The following ATRNL1 variants were observed in gnomAD, a reference collection of about 807,000 sequenced individuals.
ATRNL1 encodes the protein attractin-like protein 1.
ATRNL1 carries 95 observed loss-of-function variants against 182.7 expected under a neutral mutation model. The observed-to-expected ratio is 0.52, with a 90% CI of 0.44 to 0.62. The LOEUF (loss-of-function observed/expected upper bound fraction) is 0.62. Among genes scored for constraint, ATRNL1 ranks in the 20% least tolerant of loss-of-function variants. The pLI is 0.00. For synonymous variants in ATRNL1, 576 were observed against 568.3 expected (o/e 1.01, Z -0.19); for missense variants, 1,471 against 1,679.5 (o/e 0.88, Z 2.17).
chr10:115,587,091 TGAG>T (rs1209040370), intron 26 of ATRNL1, among the ~76,000 whole-genome samples: 2 of 149,186 alleles, frequency 1.3e-5, no homozygotes, highest in Admixed American at 6.8e-5. Context: ...GGGATTCACT[TGAG>T]GAGGCAGTCT....
Position 115,944,988 on chromosome 10 carries a change from T to G in ATRNL1, c.*209T>G, listed in dbSNP as rs1953843515. ...GATGGTCACAGGTGATAAAGTCAGT[T>G]TTTACCACTATCTTAGGCTTATTAT... On this transcript the variant is annotated 3_prime_UTR_variant, in exon 29 of 29. Transcript: ENST00000355044. 4 of 414,286 alleles carry G rather than the reference T, an allele frequency of 9.7e-6. No homozygotes were observed. The Admixed American group carries it at 1.7e-4, about 18-fold the overall frequency. The allele number at this position is 414,286 out of a possible 1,614,324, so 25.7% of individuals were successfully genotyped here.
chr10:115,892,109 A>G (rs1555111407), intron 28 of ATRNL1, among the ~76,000 whole-genome samples: 1 of 152,152 alleles, frequency 6.6e-6, no homozygotes, highest in Admixed American at 6.5e-5. Flanking sequence ...TTGTTGTTAT[A>G]TTACTCTGTT....
intron 26 of ATRNL1, among the ~76,000 whole-genome samples, chr10:115,576,882 C>G (rs1304778760): frequency 2.0e-5 from 3 of 151,836 alleles, no homozygotes; most frequent in Non-Finnish European, 4.4e-5. Flanking sequence ...GTGTTTAGGT[C>G]TTTAATTCAT....
At chr10:115,903,232 G>A (rs1277713369) in intron 28 of ATRNL1, among the ~76,000 whole-genome samples, 1 of 152,108 alleles carries the variant, frequency 6.6e-6, no homozygotes, top group East Asian at 1.9e-4. Context: ...CATCTGGTGG[G>A]TGCTAAGTTC....
intron 26 of ATRNL1, among the ~76,000 whole-genome samples, chr10:115,627,579 T>C (rs1858187459): frequency 1.3e-5 from 2 of 152,094 alleles, no homozygotes; most frequent in Non-Finnish European, 2.9e-5. Flanking sequence ...TTGGCCAGGC[T>C]GGTCTTGAAC....
At chr10:115,314,071 G>T (rs761717674) in intron 17 of ATRNL1, among the ~76,000 whole-genome samples, 1 of 152,084 alleles carries the variant, frequency 6.6e-6, no homozygotes, top group Non-Finnish European at 1.5e-5. Context: ...GTCATTTAGC[G>T]CTGTGTACTG....
At chr10:115,737,477 A>G (rs1947991841) in intron 27 of ATRNL1, among the ~76,000 whole-genome samples, 1 of 151,606 alleles carries the variant, frequency 6.6e-6, no homozygotes, top group Non-Finnish European at 1.5e-5. Flanking sequence ...GCATTTGGTT[A>G]TTTTGAAGTG....
rs566228683 is a variant in ATRNL1, at chr10:115,096,698, T to C, written c.293+2655T>C. 3.1e-4 allele frequency: 400 copies of C among 1,288,844 alleles called. 6 individuals carry two copies. In the South Asian group the frequency reaches 4.5e-3, roughly 15 times the overall value. 79.8% of individuals were successfully genotyped at this position (1,288,844 alleles called of 1,614,324 possible). ...TCAAATGTTTCTTGAGGATAGAAGA[T>C]TGATAGTTGGGGGAAGAAATGCAGA... On this transcript the variant is annotated intron_variant, in intron 1 of 28. Transcript: ENST00000355044.
chr10:115,117,615 G>A (rs781826961), intron 1 of ATRNL1, among the ~76,000 whole-genome samples: 13 of 152,150 alleles, frequency 8.5e-5, no homozygotes, highest in East Asian at 3.9e-4. Context: ...TGATGGACAC[G>A]TAGGTTGCTT....
intron 1 of ATRNL1, among the ~76,000 whole-genome samples, chr10:115,103,731 C>T (rs1459441818): frequency 1.1e-4 from 16 of 152,324 alleles, no homozygotes; most frequent in African/African-American, 3.6e-4. Flanking sequence ...TCATTCTACT[C>T]TGTCTCCATG....
intron 27 of ATRNL1, among the ~76,000 whole-genome samples, chr10:115,789,701 C>T (rs1949480707): frequency 6.6e-6 from 1 of 152,238 alleles, no homozygotes; most frequent in East Asian, 1.9e-4. Context: ...CCCATCATTC[C>T]TCCTGCCTAG....
At chr10:115,297,713 C>T (rs1351231135) in intron 15 of ATRNL1, among the ~76,000 whole-genome samples, 3 of 150,594 alleles carry the variant, frequency 2.0e-5, no homozygotes, top group Non-Finnish European at 4.4e-5. Context: ...TTCTCACTAC[C>T]ACTTATGCAG....
intron 26 of ATRNL1, among the ~76,000 whole-genome samples, chr10:115,595,072 A>G (rs561811118): frequency 8.5e-5 from 13 of 152,306 alleles, no homozygotes; most frequent in African/African-American, 3.1e-4. Flanking sequence ...CATTCATGTA[A>G]ATCAATAGAA....
intron 26 of ATRNL1, among the ~76,000 whole-genome samples, chr10:115,609,619 A>G (rs1555018425): frequency 6.6e-6 from 1 of 152,120 alleles, no homozygotes. Context: ...CCTACCCTGC[A>G]CAAGTGTGAT....
intron 24 of ATRNL1, among the ~76,000 whole-genome samples, chr10:115,500,861 G>A (rs564027765): frequency 1.5e-4 from 22 of 146,264 alleles, no homozygotes; most frequent in East Asian, 2.0e-4. Flanking sequence ...TTTTTTTTAT[G>A]TAGGCTTTTA....
intron 21 of ATRNL1, among the ~76,000 whole-genome samples, chr10:115,450,217 G>C (rs543909035): frequency 1.2e-4 from 19 of 152,168 alleles, no homozygotes; most frequent in African/African-American, 4.6e-4. Context: ...CTTGAAAACT[G>C]GCACAAGACA....
intron 21 of ATRNL1, among the ~76,000 whole-genome samples, chr10:115,436,872 C>A (rs1485136316): frequency 6.6e-6 from 1 of 151,990 alleles, no homozygotes; most frequent in Non-Finnish European, 1.5e-5. Context: ...AGCTTATACA[C>A]TACTAGAGAA....
chr10:115,536,510 C>G (rs1310310380), intron 25 of ATRNL1, among the ~76,000 whole-genome samples: 2 of 152,224 alleles, frequency 1.3e-5, no homozygotes, highest in African/African-American at 4.8e-5. Flanking sequence ...CAGGTGCCGT[C>G]TGTCACCCCT....
intron 21 of ATRNL1, among the ~76,000 whole-genome samples, chr10:115,442,189 C>T (rs1554965860): frequency 6.6e-6 from 1 of 151,830 alleles, no homozygotes; most frequent in Non-Finnish European, 1.5e-5. Flanking sequence ...TTATCTCTTA[C>T]AACCCTCCAC....
Sources: gnomAD v4.1 joint callset for allele counts (sites outside exome capture counted in the v4.1 genomes callset) on GRCh38, gnomAD v4.1.1 for gene constraint, MANE v1.5 for transcripts, NCBI Gene and HGNC (gene_info 2026-07-23, HGNC 2026-07-21) for gene names.